The following SUSD4 variants were observed in gnomAD, a reference collection of about 807,000 sequenced individuals.
SUSD4 encodes the protein sushi domain-containing protein 4.
A neutral mutation model predicts 50.5 loss-of-function variants in SUSD4; 41 were observed. The ratio of observed to expected loss-of-function variants is 0.81; its 90% CI spans 0.63 to 1.05. The LOEUF (loss-of-function observed/expected upper bound fraction) is 1.05. Among genes scored for constraint, SUSD4 ranks in the 50% least tolerant of loss-of-function variants. The probability of loss-of-function intolerance (pLI) is 0.00; values close to 1 mark genes in which losing one functional copy is unlikely to be tolerated. For synonymous variants in SUSD4, 257 were observed against 257.3 expected, an observed-to-expected ratio of 1.00 and a Z score of 0.01; for missense variants, 580 against 634.7, an observed-to-expected ratio of 0.91 and a Z score of 0.93.
chr1:223,334,966 A>G (rs927370130), intron 2 of SUSD4, among the ~76,000 whole-genome samples: 2 of 152,140 alleles, frequency 1.3e-5, no homozygotes, highest in Admixed American at 1.3e-4. Flanking sequence ...GTGAGAACAT[A>G]CAATATTTGG....
At chr1:223,358,583 A>G (rs1220706532) in intron 2 of SUSD4, among the ~76,000 whole-genome samples, 1 of 152,024 alleles carries the variant, frequency 6.6e-6, no homozygotes, top group African/African-American at 2.4e-5. Context: ...GTATCTAATC[A>G]GTGTTTACTG....
chr1:223,291,268 G>T (rs1664470093), intron 3 of SUSD4, among the ~76,000 whole-genome samples: 1 of 151,990 alleles, frequency 6.6e-6, no homozygotes, highest in African/African-American at 2.4e-5. Flanking sequence ...TGAGGCAGGT[G>T]GATTGCATGA....
At chr1:223,252,782 C>T (rs901168828) in intron 5 of SUSD4, among the ~76,000 whole-genome samples, 14 of 151,770 alleles carry the variant, frequency 9.2e-5, no homozygotes, top group East Asian at 1.9e-4. Context: ...AAATCCCTTC[C>T]TAGGAATGGA....
At chr1:223,313,470 C>A (rs1406865457) in intron 2 of SUSD4, among the ~76,000 whole-genome samples, 1 of 152,118 alleles carries the variant, frequency 6.6e-6, no homozygotes, top group African/African-American at 2.4e-5. Context: ...TGATTTGCAT[C>A]CTTTATATCC....
chr1:223,297,811 G>A (rs1448435091), intron 2 of SUSD4, among the ~76,000 whole-genome samples: 1 of 152,134 alleles, frequency 6.6e-6, no homozygotes, highest in African/African-American at 2.4e-5. Flanking sequence ...CTCAGCATCT[G>A]GCATGGTGTG....
At chr1:223,317,466 C>T (rs1038502813) in intron 2 of SUSD4, among the ~76,000 whole-genome samples, 3 of 152,170 alleles carry the variant, frequency 2.0e-5, no homozygotes, top group Non-Finnish European at 4.4e-5. Context: ...TGGACTCTCC[C>T]TGAATTCTTT....
intron 2 of SUSD4, among the ~76,000 whole-genome samples, chr1:223,350,194 T>C (rs1336507120): frequency 6.6e-6 from 1 of 152,258 alleles, no homozygotes; most frequent in African/African-American, 2.4e-5. Context: ...TGGTATTTTG[T>C]TAAGGCAGCC....
At position 223,268,040 on chromosome 1, in the gene SUSD4, TATACACAC is replaced by T. The variant is rs201726386; in HGVS notation, c.535+454_535+461del. Reference sequence around the variant, plus strand: ...ATATATATATATATATATATATATATATACACACACACTGTTAAGAGAAAACAGCCTCT... The same window carrying T: ...ATATATATATATATATATATATATATACACTGTTAAGAGAAAACAGCCTCT... On this transcript the variant is annotated intron_variant, in intron 4 of 8. Coordinates refer to ENST00000366878, the MANE Select transcript of SUSD4 (RefSeq NM_017982.4). Among the ~76,000 whole-genome samples, 266 of 81,198 alleles carry T rather than the reference TATACACAC, an allele frequency of 3.3e-3. 7 individuals carry two copies. Among genetic ancestry groups the T allele is most frequent in the Non-Finnish European group, 5.6e-3 (177 of 31,638 alleles). 53.3% of individuals were successfully genotyped at this position (81,198 alleles called of 152,430 possible). A position where few individuals can be genotyped will look rare whatever the true frequency, so the allele number is the denominator to read the frequency against.
intron 2 of SUSD4, among the ~76,000 whole-genome samples, chr1:223,362,112 T>C (rs1669015951): frequency 6.6e-6 from 1 of 152,228 alleles, no homozygotes; most frequent in Non-Finnish European, 1.5e-5. Context: ...CTAATTTTGA[T>C]AGATATGCAC....
intron 6 of SUSD4, among the ~76,000 whole-genome samples, chr1:223,228,191 C>T (rs555335993): frequency 2.6e-5 from 4 of 152,156 alleles, no homozygotes; most frequent in Non-Finnish European, 4.4e-5. Flanking sequence ...ACCCCTGTTC[C>T]ACAGCTCTCA....
At chr1:223,319,510 C>T (rs560979983) in intron 2 of SUSD4, among the ~76,000 whole-genome samples, 1 of 152,238 alleles carries the variant, frequency 6.6e-6, no homozygotes, top group African/African-American at 2.4e-5. Context: ...AGGCTCTGTC[C>T]CTCTCAGCAG....
At chr1:223,308,826 C>T (rs1021071748) in intron 2 of SUSD4, among the ~76,000 whole-genome samples, 1 of 152,172 alleles carries the variant, frequency 6.6e-6, no homozygotes, top group African/African-American at 2.4e-5. Context: ...GCCTGCAATA[C>T]TTTGCCCCCT....
chr1:223,299,724 T>A (rs76914526), intron 2 of SUSD4, among the ~76,000 whole-genome samples: 1 of 152,282 alleles, frequency 6.6e-6, no homozygotes, highest in East Asian at 1.9e-4. Flanking sequence ...CCTCATCCAA[T>A]TTGTCCAATG....
At position 223,267,270 on chromosome 1, in the gene SUSD4, C is replaced by G. The variant is rs145742496; in HGVS notation, c.535+1232G>C. On this transcript the variant is annotated intron_variant, in intron 4 of 8. Transcript: ENST00000366878. ...GAAAAAAGAACTCCTAAAGGAGCAT[C>G]TTGTATTTAAGTGACAGAAAAGGAA... Among the ~76,000 whole-genome samples the G allele has an allele frequency of 2.0e-3, 309 of 152,170 alleles. 2 individuals are homozygous for G. The highest frequency in any genetic ancestry group is 7.1e-3 in the African/African-American group (296 of 41,488).
intron 2 of SUSD4, among the ~76,000 whole-genome samples, chr1:223,357,013 G>C (rs2102593457): frequency 6.6e-6 from 1 of 152,300 alleles, no homozygotes; most frequent in South Asian, 2.1e-4. Flanking sequence ...CATCAGAAGG[G>C]AATGGTGACG....
At chr1:223,358,485 T>A (rs753260783) in intron 2 of SUSD4, among the ~76,000 whole-genome samples, 3 of 152,208 alleles carry the variant, frequency 2.0e-5, no homozygotes, top group Non-Finnish European at 4.4e-5. Context: ...GAGTTTCCCA[T>A]CTAAAGGCAA....
intron 7 of SUSD4, among the ~76,000 whole-genome samples, chr1:223,223,927 T>C (rs1276593184): frequency 6.6e-6 from 1 of 152,234 alleles, no homozygotes; most frequent in African/African-American, 2.4e-5. Context: ...CTTTGACCTG[T>C]GGGCTTTGGC....
At chr1:223,299,361 C>T (rs1043401813) in intron 2 of SUSD4, among the ~76,000 whole-genome samples, 2 of 152,202 alleles carry the variant, frequency 1.3e-5, no homozygotes, top group Non-Finnish European at 2.9e-5. Context: ...ATTCTGCTCA[C>T]GCATGAGAAC....
At chr1:223,287,587 A>T (rs918519305) in intron 3 of SUSD4, among the ~76,000 whole-genome samples, 1 of 152,166 alleles carries the variant, frequency 6.6e-6, no homozygotes, top group Non-Finnish European at 1.5e-5. Flanking sequence ...TGCTGGGATT[A>T]AGAAGAGCCC....
Sources: gnomAD v4.1 joint callset for allele counts (sites outside exome capture counted in the v4.1 genomes callset) on GRCh38, gnomAD v4.1.1 for gene constraint, MANE v1.5 for transcripts, NCBI Gene and HGNC (gene_info 2026-07-23, HGNC 2026-07-21) for gene names.